RBM6: variants seen among roughly 807,000 people sequenced by gnomAD.
RBM6 encodes RNA-binding protein 6.
Under a neutral mutation model 140.4 loss-of-function variants are expected in RBM6, and 23 were observed. The observed-to-expected ratio is 0.16, with a 90% CI of 0.12 to 0.23. The LOEUF (loss-of-function observed/expected upper bound fraction) is 0.23. RBM6 is among the 10% of genes least tolerant of loss of function. The probability of loss-of-function intolerance (pLI) is 1.00; values close to 1 mark genes in which losing one functional copy is unlikely to be tolerated. For synonymous variants in RBM6, 439 were observed against 475.6 expected, an observed-to-expected ratio of 0.92 and a Z score of 1.00; for missense variants, 1,139 against 1,386.7, an observed-to-expected ratio of 0.82 and a Z score of 2.84.
At chr3:50,040,288 T>C (rs1046846940) in intron 6 of RBM6, among the ~76,000 whole-genome samples, 3 of 151,000 alleles carry the variant, frequency 2.0e-5, no homozygotes, top group Non-Finnish European at 2.9e-5. Flanking sequence ...CTACTAAAAA[T>C]ACAAAAAATT....
At position 49,965,865 on chromosome 3, in the gene RBM6, G is replaced by T. The variant is rs149076220; in HGVS notation, c.45-1605G>T. Among the ~76,000 whole-genome samples the T allele has an allele frequency of 3.8e-3, 581 of 152,232 alleles. 7 individuals are homozygous for T. Among genetic ancestry groups the T allele is most frequent in the African/African-American group, 0.013 (554 of 41,534 alleles). ...GGGTTGGCCGGGCATGGTGGCTCAC[G>T]CCTGTAACCCTAACCTTGGGGAGAC... On this transcript the variant is annotated intron_variant, in intron 2 of 20. Transcript: ENST00000266022.
chr3:50,010,475 T>A (rs755845146), intron 6 of RBM6, among the ~76,000 whole-genome samples: 4 of 152,056 alleles, frequency 2.6e-5, no homozygotes, highest in African/African-American at 4.8e-5. Flanking sequence ...TATTTTAGAA[T>A]TAAATAGTGA....
chr3:49,943,097 C>T (rs541302508), intron 1 of RBM6, among the ~76,000 whole-genome samples: 20 of 152,248 alleles, frequency 1.3e-4, no homozygotes, highest in African/African-American at 4.8e-4. Context: ...CTTTTTAAGG[C>T]TTAATCCGTT....
In RBM6 at chr3:50,075,107, G is replaced by A. The variant is rs575304711; in HGVS notation, c.3117-94G>A. 1.0e-4 allele frequency: 143 copies of A among 1,433,798 alleles called. No homozygotes were observed. In the South Asian group the frequency reaches 1.3e-3, roughly 13 times the overall value. 88.8% of individuals were successfully genotyped at this position (1,433,798 alleles called of 1,614,324 possible). On this transcript the variant is annotated intron_variant, in intron 19 of 20. Coordinates refer to ENST00000266022, the MANE Select transcript of RBM6 (RefSeq NM_005777.3). ...GGAGGCAGAGGTTGCAGTAAGCTGA[G>A]TTCGAGCCATTGCACTCCAGCCTGG...
chr3:49,983,026 G>C (rs764725662), intron 5 of RBM6, among the ~76,000 whole-genome samples: 2 of 150,608 alleles, frequency 1.3e-5, no homozygotes, highest in Admixed American at 1.3e-4. Flanking sequence ...TTTTTTTTTT[G>C]TAGAGACAGG....
chr3:49,957,835 CTTT>C (rs367565471), intron 1 of RBM6, among the ~76,000 whole-genome samples: 1 of 143,516 alleles, frequency 7.0e-6, no homozygotes. Flanking sequence ...ATCTTTCTTT[CTTT>C]TTTTTTTTTT....
intron 3 of RBM6, among the ~76,000 whole-genome samples, chr3:49,970,034 G>A (rs1201241565): frequency 3.3e-5 from 5 of 151,922 alleles, no homozygotes; most frequent in African/African-American, 1.2e-4. Context: ...TCCGCCTCCC[G>A]TGTTCAAGCA....
chr3:50,024,821 C>T (rs112698129), intron 6 of RBM6, among the ~76,000 whole-genome samples: 8 of 151,932 alleles, frequency 5.3e-5, no homozygotes, highest in East Asian at 3.9e-4. Context: ...GGCGTGGTGA[C>T]GGGCCCCTGT....
chr3:50,048,811 C>CT (rs899339057), intron 7 of RBM6, among the ~76,000 whole-genome samples: 119 of 151,154 alleles, frequency 7.9e-4, no homozygotes, highest in Non-Finnish European at 1.3e-3. Context: ...AGGCTATACT[C>CT]TTTTTTTTTG....
rs766569498 is a variant in RBM6, at chr3:50,057,678, T to C, written c.1694-50T>C. 7.4e-6 allele frequency: 11 copies of C among 1,490,558 alleles called. No individual in the cohort carries two copies. In the Admixed American group the frequency reaches 1.5e-4, roughly 21 times the overall value. 92.3% of individuals were successfully genotyped at this position (1,490,558 alleles called of 1,614,324 possible). ...CAGTAGCAGTGTTTTTTCTTTTTTT[T>C]TTTTTTTGATAAAGCTTTCTAGAGA... On this transcript the variant is annotated intron_variant, in intron 8 of 20. Coordinates refer to ENST00000266022, the MANE Select transcript of RBM6 (RefSeq NM_005777.3).
chr3:49,944,536 C>T (rs530561539), intron 1 of RBM6, among the ~76,000 whole-genome samples: 4 of 145,922 alleles, frequency 2.7e-5, no homozygotes, highest in South Asian at 2.1e-4. Context: ...AGTGCAGTGG[C>T]GCGACCTTGG....
chr3:49,942,227 C>T (rs986371280), intron 1 of RBM6, among the ~76,000 whole-genome samples: 5 of 152,170 alleles, frequency 3.3e-5, no homozygotes, highest in South Asian at 2.1e-4. Flanking sequence ...CGGTGGCTCA[C>T]GCCTGTAATC....
chr3:50,045,664 G>A (rs2089184627), intron 6 of RBM6, among the ~76,000 whole-genome samples: 1 of 152,178 alleles, frequency 6.6e-6, no homozygotes, highest in Non-Finnish European at 1.5e-5. Flanking sequence ...TACCTAGCAA[G>A]CAAGCAAGGT....
chr3:50,007,641 T>C (rs1390120731), intron 6 of RBM6, among the ~76,000 whole-genome samples: 3 of 151,952 alleles, frequency 2.0e-5, no homozygotes, highest in African/African-American at 7.3e-5. Context: ...CACACCATTC[T>C]CTCGCCTCAG....
At chr3:50,035,041 CT>C (rs1463674100) in intron 6 of RBM6, among the ~76,000 whole-genome samples, 16 of 139,494 alleles carry the variant, frequency 1.1e-4, no homozygotes, top group Non-Finnish European at 2.0e-4. Context: ...CCCCTCCCCT[CT>C]CCTCCCCTAC....
At chr3:50,012,599 C>T (rs1575687766) in intron 6 of RBM6, among the ~76,000 whole-genome samples, 2 of 152,006 alleles carry the variant, frequency 1.3e-5, no homozygotes, top group South Asian at 2.1e-4. Context: ...CCCTGTGATC[C>T]GCCCGTCTCA....
At chr3:50,035,869 C>T (rs967652743) in intron 6 of RBM6, among the ~76,000 whole-genome samples, 1 of 151,812 alleles carries the variant, frequency 6.6e-6, no homozygotes, top group Non-Finnish European at 1.5e-5. Flanking sequence ...AAGCAATTCT[C>T]GTGCCTCAGC....
intron 5 of RBM6, among the ~76,000 whole-genome samples, chr3:49,997,221 T>C (rs1023734832): frequency 6.6e-6 from 1 of 152,120 alleles, no homozygotes; most frequent in African/African-American, 2.4e-5. Flanking sequence ...CTGTTCTTGT[T>C]TGATAGCTAA....
intron 5 of RBM6, among the ~76,000 whole-genome samples, chr3:49,982,782 A>G (rs989653311): frequency 3.3e-5 from 5 of 150,622 alleles, no homozygotes; most frequent in Admixed American, 1.3e-4. Context: ...CAGTGGTGCA[A>G]TCTCAGCTCA....
Sources: gnomAD v4.1 joint callset for allele counts (sites outside exome capture counted in the v4.1 genomes callset) on GRCh38, gnomAD v4.1.1 for gene constraint, MANE v1.5 for transcripts, NCBI Gene and HGNC (gene_info 2026-07-23, HGNC 2026-07-21) for gene names.